The following DCPS variants were observed in gnomAD, a reference collection of about 807,000 sequenced individuals.
The protein encoded by DCPS is decapping enzyme, scavenger.
In DCPS, 27 loss-of-function variants were observed where a neutral mutation model predicts 34.7. The observed-to-expected ratio is 0.78, with a 90% CI of 0.57 to 1.07. DCPS has a LOEUF of 1.07. Ranked by LOEUF, DCPS falls within the 50% of genes least tolerant of loss-of-function variation. DCPS has a pLI of 0.00. For missense variants in DCPS, 464 were observed against 436.9 expected (o/e 1.06, Z -0.55); for synonymous variants, 185 against 185.7 (o/e 1.00, Z 0.03).
At chr11:126,316,795 C>T (rs894755098) in intron 2 of DCPS, among the ~76,000 whole-genome samples, 4 of 150,916 alleles carry the variant, frequency 2.7e-5, no homozygotes, top group African/African-American at 4.9e-5. Context: ...GCTGGGATTA[C>T]AGACACCCGC....
At chr11:126,317,082 C>T (rs542305488) in intron 2 of DCPS, among the ~76,000 whole-genome samples, 21 of 151,996 alleles carry the variant, frequency 1.4e-4, no homozygotes, top group Non-Finnish European at 2.8e-4. Context: ...CCTCAGCCTC[C>T]CAAGTAGCTG....
rs1036782954 is a variant in DCPS, at chr11:126,328,703, C to T, written c.377-2702C>T. 9.2e-5 allele frequency among the ~76,000 whole-genome samples: 14 copies of T among 152,178 alleles called. No homozygotes were observed. The highest frequency in any genetic ancestry group is 1.5e-4 in the Non-Finnish European group (10 of 68,032). ...CAGAACCCGGCTGCTCTCCAGCGCCCGCTCTGCCTCTGTGCCCTGCCCATC... is the reference window on the plus strand; with the variant it reads ...CAGAACCCGGCTGCTCTCCAGCGCCTGCTCTGCCTCTGTGCCCTGCCCATC... On this transcript the variant is annotated intron_variant, in intron 2 of 5. Transcript: ENST00000263579. This position sits in a 1 kb window ranked among gnomAD's most constrained non-coding sequence, Gnocchi z 6.6.
intron 2 of DCPS, among the ~76,000 whole-genome samples, chr11:126,318,641 G>A (rs1211113852): frequency 6.6e-6 from 1 of 152,204 alleles, no homozygotes; most frequent in Non-Finnish European, 1.5e-5. Context: ...CATGGCGGGT[G>A]GGCTTCGACT....
In DCPS at chr11:126,325,345, G is replaced by T. The variant is rs1022924123; in HGVS notation, c.377-6060G>T. On this transcript the variant is annotated intron_variant, in intron 2 of 5. Transcript: ENST00000263579. This position sits in a 1 kb window ranked among gnomAD's most constrained non-coding sequence, Gnocchi z 4.3. ...GTTGAATACTGATTTATCAAAAATTGTGGTAAAGTTGTACTGTGAGGTTGA... is the reference window on the plus strand; with the variant it reads ...GTTGAATACTGATTTATCAAAAATTTTGGTAAAGTTGTACTGTGAGGTTGA... Among the ~76,000 whole-genome samples the T allele has an allele frequency of 2.0e-5, 3 of 152,134 alleles. No individual in the cohort carries two copies. Among genetic ancestry groups the T allele is most frequent in the Admixed American group, 6.6e-5 (1 of 15,260 alleles).
chr11:126,324,629 CTTTT>C (rs58091804), intron 2 of DCPS, among the ~76,000 whole-genome samples: 19 of 99,938 alleles, frequency 1.9e-4, no homozygotes, highest in African/African-American at 6.3e-4. Context: ...ATTTTTCTGC[CTTTT>C]TTTTTTTTTT....
rs1371384736 is a variant in DCPS at position 126,319,220 on chromosome 11, A to G, written c.377-12185A>G. ...CCGCTAGAACATCCTGTAGATGAAG[A>G]GCTGCTGCCCTGAACTCCACCAGGC... On this transcript the variant is annotated intron_variant, in intron 2 of 5. Coordinates refer to ENST00000263579, the MANE Select transcript of DCPS (RefSeq NM_014026.6). The surrounding 1 kb of genome is among the most constrained non-coding windows in gnomAD (Gnocchi z 4.5). Among the ~76,000 whole-genome samples the G allele has an allele frequency of 6.6e-6, 1 of 151,920 alleles. No homozygotes were observed. The highest frequency in any genetic ancestry group is 1.5e-5 in the Non-Finnish European group (1 of 67,990).
rs898725085 is a variant in DCPS, at chr11:126,319,513, C to A, written c.377-11892C>A. ...TCCAGAGCTCAGGGGAGTGGACTCT[C>A]CTTCCCTGAGCTCCCCAGGAAGCAT... On this transcript the variant is annotated intron_variant, in intron 2 of 5. Coordinates refer to ENST00000263579, the MANE Select transcript of DCPS (RefSeq NM_014026.6). The surrounding 1 kb of genome is among the most constrained non-coding windows in gnomAD (Gnocchi z 4.5). 2.0e-5 allele frequency among the ~76,000 whole-genome samples: 3 copies of A among 152,220 alleles called. No individual in the cohort carries two copies. Among genetic ancestry groups the A allele is most frequent in the Admixed American group, 1.3e-4 (2 of 15,274 alleles).
At chr11:126,330,402 A>C (rs1951773785) in intron 2 of DCPS, among the ~76,000 whole-genome samples, 1 of 152,132 alleles carries the variant, frequency 6.6e-6, no homozygotes, top group South Asian at 2.1e-4. Context: ...TGTGGTGTTT[A>C]CTGTGTGCCA....
Position 126,349,449 on chromosome 11 carries a change from T to C in DCPS, c.*3836T>C, listed in dbSNP as rs1951970289. On this transcript the variant is annotated 3_prime_UTR_variant, in exon 6 of 6. Transcript: ENST00000263579. This position sits in a 1 kb window ranked among gnomAD's most constrained non-coding sequence, Gnocchi z 5.4. ...GCAGTTGGAGGCATGACTGCTATTG[T>C]TCCTTGGCTTCTCTCCATTTGTCTC... is the stretch of plus-strand genomic sequence containing the variant. Among the ~76,000 whole-genome samples, 1 of 152,238 alleles carries C rather than the reference T, an allele frequency of 6.6e-6. No homozygotes were observed. Among genetic ancestry groups the C allele is most frequent in the South Asian group, 2.1e-4 (1 of 4,838 alleles).
rs995585999 is a variant in DCPS at position 126,327,070 on chromosome 11, C to T, written c.377-4335C>T. On this transcript the variant is annotated intron_variant, in intron 2 of 5. Coordinates refer to ENST00000263579, the MANE Select transcript of DCPS (RefSeq NM_014026.6). The surrounding 1 kb of genome is among the most constrained non-coding windows in gnomAD (Gnocchi z 4.1). ...TATTAATTTCAGGAGATTTCCCATTCGTATGAGACTTCTGTGACATACAGT... is the reference window on the plus strand; with the variant it reads ...TATTAATTTCAGGAGATTTCCCATTTGTATGAGACTTCTGTGACATACAGT... Among the ~76,000 whole-genome samples, 13 of 152,182 alleles carry T rather than the reference C, an allele frequency of 8.5e-5. No homozygotes were observed. The highest frequency in any genetic ancestry group is 1.0e-4 in the Non-Finnish European group (7 of 68,040).
At position 126,313,569 on chromosome 11, in the gene DCPS, A is replaced by G; in HGVS notation, c.376+6825A>G. On this transcript the variant is annotated intron_variant, in intron 2 of 5. Transcript: ENST00000263579. The surrounding 1 kb of genome is among the most constrained non-coding windows in gnomAD (Gnocchi z 4.9). ...CACCATGTAGGGCAAGAAAAGCATG[A>G]CACAGAATACACATGGTGCGATTAA... is the stretch of plus-strand genomic sequence containing the variant. Among the ~76,000 whole-genome samples, 1 of 152,186 alleles carries G rather than the reference A, an allele frequency of 6.6e-6. No homozygotes were observed. The highest frequency in any genetic ancestry group is 1.9e-4 in the East Asian group (1 of 5,186).
Position 126,338,119 on chromosome 11 carries a change from A to T in DCPS, c.523-167A>T, listed in dbSNP as rs1951847033. 1 of 634,774 alleles carries T rather than the reference A, an allele frequency of 1.6e-6. No individual in the cohort carries two copies. Among genetic ancestry groups the T allele is most frequent in the Non-Finnish European group, 2.8e-6 (1 of 353,144 alleles). The allele number at this position is 634,774 out of a possible 1,614,324, so 39.3% of individuals were successfully genotyped here. The stretch of plus-strand genomic sequence containing the variant: ...GTCCCTTCTGGACCCCTAAGAACAG[A>T]TGCTTGGGGACAGGGCAGCCCGGAT... On this transcript the variant is annotated intron_variant, in intron 3 of 5. Coordinates refer to ENST00000263579, the MANE Select transcript of DCPS (RefSeq NM_014026.6). The surrounding 1 kb of genome is among the most constrained non-coding windows in gnomAD (Gnocchi z 5.4).
chr11:126,343,466 G>A, intron 5 of DCPS, 49 bp downstream of exon 5: 1 of 1,454,578 alleles, frequency 6.9e-7, no homozygotes, highest in Non-Finnish European at 9.5e-7. Context: ...ATTAGACTCA[G>A]ATTCCAGTGT....
At position 126,327,181 on chromosome 11, in the gene DCPS, C is replaced by T. The variant is rs141996440; in HGVS notation, c.377-4224C>T. Among the ~76,000 whole-genome samples, 849 of 152,276 alleles carry T rather than the reference C, an allele frequency of 5.6e-3. 12 individuals are homozygous for T. Among genetic ancestry groups the T allele is most frequent in the African/African-American group, 0.018 (761 of 41,552 alleles). On this transcript the variant is annotated intron_variant, in intron 2 of 5. Transcript: ENST00000263579. This position sits in a 1 kb window ranked among gnomAD's most constrained non-coding sequence, Gnocchi z 4.1. ...GGATCTAATCCAATCCCTTTAGTCC[C>T]GTCTCTTTAGTCTCCCTTCATCTGG...
At chr11:126,311,728 T>A (rs1483347731) in intron 2 of DCPS, among the ~76,000 whole-genome samples, 2 of 152,114 alleles carry the variant, frequency 1.3e-5, no homozygotes, top group East Asian at 3.9e-4. Flanking sequence ...GTACTACAGA[T>A]GAAGTTGGGG....
rs1446321328 is a variant in DCPS, at chr11:126,335,491, G to A, written c.523-2795G>A. 2.0e-5 allele frequency among the ~76,000 whole-genome samples: 3 copies of A among 152,184 alleles called. No individual in the cohort carries two copies. Among genetic ancestry groups the A allele is most frequent in the Non-Finnish European group, 4.4e-5 (3 of 68,036 alleles). The stretch of plus-strand genomic sequence containing the variant: ...GGCCTGGAGGCTTCCCGTGGATGCA[G>A]CTCCCTGCCACTGTCCCAGAGGCCT... On this transcript the variant is annotated intron_variant, in intron 3 of 5. Coordinates refer to ENST00000263579, the MANE Select transcript of DCPS (RefSeq NM_014026.6). This position sits in a 1 kb window ranked among gnomAD's most constrained non-coding sequence, Gnocchi z 4.8.
chr11:126,314,884 A>G (rs1305630883), intron 2 of DCPS, among the ~76,000 whole-genome samples: 1 of 152,174 alleles, frequency 6.6e-6, no homozygotes, highest in Non-Finnish European at 1.5e-5. Context: ...TACAATGTAC[A>G]CTGCTCAGGT....
chr11:126,305,544 C>T (rs768282041), intron 1 of DCPS, among the ~76,000 whole-genome samples: 10 of 150,928 alleles, frequency 6.6e-5, no homozygotes, highest in Non-Finnish European at 1.2e-4. Flanking sequence ...CCTCAGCCTC[C>T]CAAGTAGCTG....
At position 126,335,540 on chromosome 11, in the gene DCPS, T is replaced by C. The variant is rs1162519964; in HGVS notation, c.523-2746T>C. Among the ~76,000 whole-genome samples, 1 of 152,248 alleles carries C rather than the reference T, an allele frequency of 6.6e-6. No homozygotes were observed. The highest frequency in any genetic ancestry group is 1.5e-5 in the Non-Finnish European group (1 of 68,040). On this transcript the variant is annotated intron_variant, in intron 3 of 5. Transcript: ENST00000263579. The surrounding 1 kb of genome is among the most constrained non-coding windows in gnomAD (Gnocchi z 4.8). The stretch of plus-strand genomic sequence containing the variant: ...CTCTCCCAGGAGACAGGATGTACCT[T>C]GGCCCAGGGTGCAGGCTCAGGAGCC...
Sources: allele counts gnomAD v4.1 joint callset (sites outside exome capture counted in the v4.1 genomes callset), GRCh38; gene constraint gnomAD v4.1.1; non-coding constraint Gnocchi (gnomAD v3.1); transcripts MANE v1.5; gene names NCBI Gene and HGNC (gene_info 2026-07-23, HGNC 2026-07-21).